IRF8: variants seen among roughly 807,000 people sequenced by gnomAD.
IRF8 encodes interferon regulatory factor 8, also known as interferon consensus sequence binding protein 1.
Under a neutral mutation model 48.7 loss-of-function variants are expected in IRF8, and 14 were observed. That is an observed-to-expected ratio of 0.29 (90% confidence interval 0.19 to 0.45). The LOEUF (loss-of-function observed/expected upper bound fraction) is 0.45. IRF8 is among the 20% of genes least tolerant of loss of function. The pLI, the probability that IRF8 is intolerant of heterozygous loss-of-function variation, is 1.00. For missense variants in IRF8, 493 were observed against 580.7 expected, an observed-to-expected ratio of 0.85 and a Z score of 1.55; for synonymous variants, 278 against 227.3, an observed-to-expected ratio of 1.22 and a Z score of -2.01.
chr16:85,915,775 C>T (rs1905284642), intron 6 of IRF8, among the ~76,000 whole-genome samples: 1 of 152,136 alleles, frequency 6.6e-6, no homozygotes, highest in African/African-American at 2.4e-5. Flanking sequence ...TGTGGAGTAG[C>T]CAGGCACAGA....
rs1905544127 is a variant in IRF8 at position 85,921,111 on chromosome 16, GC to G, written c.1111del (p.Gln371SerfsTer20). The part of the protein sequence containing the change: ...RSKLILVQIE[Q>X]LYVRQLAEEA... ...TTTCTGCACCTCCCATCTAGATTGAGCAGCTGTATGTCCGGCAACTGGCAGA... is the reference window on the plus strand; with the variant it reads ...TTTCTGCACCTCCCATCTAGATTGAGAGCTGTATGTCCGGCAACTGGCAGA... On this transcript the variant is annotated frameshift_variant, in exon 9 of 9. Coordinates refer to ENST00000268638, the MANE Select transcript of IRF8 (RefSeq NM_002163.4). LOFTEE classifies it high-confidence loss of function. 1 of 1,612,764 alleles carries G rather than the reference GC, an allele frequency of 6.2e-7. No homozygotes were observed. The highest frequency in any genetic ancestry group is 1.7e-5 in the Admixed American group (1 of 59,826).
At chr16:85,919,789 G>A (rs117141226) in intron 7 of IRF8, among the ~76,000 whole-genome samples, 189 of 152,354 alleles carry the variant, frequency 1.2e-3, no homozygotes, top group Middle Eastern at 3.4e-3. Context: ...TCCTCAGGTC[G>A]GGGTTGCCAA....
At position 85,905,652 on chromosome 16, in the gene IRF8, A is replaced by G. The variant is rs1463429594; in HGVS notation, c.174+2463A>G. ...CCCTGAGCTATGCTTCTTCCCATCC[A>G]TCCTCTGAGAGGCCTGTCTCTGTGA... On this transcript the variant is annotated intron_variant, in intron 2 of 8. Coordinates refer to ENST00000268638, the MANE Select transcript of IRF8 (RefSeq NM_002163.4). 3.9e-5 allele frequency among the ~76,000 whole-genome samples: 6 copies of G among 152,132 alleles called. No homozygotes were observed. The East Asian group carries it at 9.7e-4, about 25-fold the overall frequency.
chr16:85,920,810 T>G (rs188538169), intron 8 of IRF8, among the ~76,000 whole-genome samples: 35 of 152,352 alleles, frequency 2.3e-4, no homozygotes, highest in African/African-American at 8.2e-4. Flanking sequence ...ACCTGTTCAG[T>G]TGCCCGAAGG....
At chr16:85,901,275 T>G (rs558702897) in intron 1 of IRF8, 1 of 152,216 alleles carries the variant, frequency 6.6e-6, no homozygotes, top group African/African-American at 2.4e-5. Flanking sequence ...GAGGTTCAAG[T>G]GACGTCACAA....
intron 2 of IRF8, among the ~76,000 whole-genome samples, chr16:85,906,540 C>T (rs971809009): frequency 2.0e-5 from 3 of 152,166 alleles, no homozygotes; most frequent in East Asian, 1.9e-4. Flanking sequence ...GCTTCCTGGC[C>T]GTGGGCCCTG....
chr16:85,909,678 T>A (rs1905091588), intron 3 of IRF8: 1 of 168,794 alleles, frequency 5.9e-6, no homozygotes, highest in African/African-American at 2.4e-5. Flanking sequence ...ATTCCTGAGG[T>A]TTCTTCCAGC....
intron 7 of IRF8, among the ~76,000 whole-genome samples, 193 bp downstream of exon 7, chr16:85,918,996 C>T (rs759084005): frequency 6.6e-6 from 1 of 152,316 alleles, no homozygotes; most frequent in East Asian, 1.9e-4. Context: ...TGGGGTGCTT[C>T]TCTGTGCCTC....
chr16:85,920,654 T>G (rs1045925669), intron 8 of IRF8, among the ~76,000 whole-genome samples: 2 of 152,330 alleles, frequency 1.3e-5, no homozygotes, highest in Admixed American at 6.5e-5. Flanking sequence ...GAGGCAGGCC[T>G]GGGCAAGACC....
Position 85,907,261 on chromosome 16 carries a change from C to G in IRF8, c.175-1729C>G, listed in dbSNP as rs1237598177. 2.6e-5 allele frequency among the ~76,000 whole-genome samples: 4 copies of G among 152,294 alleles called. No individual in the cohort carries two copies. The East Asian group carries it at 7.7e-4, about 29-fold the overall frequency. Reference sequence around the variant, plus strand: ...GGCCTTGAACAGTAAGCATTCTTGTCTTTTTTGAGAGGAAAAACAGTCTGG... The same window carrying G: ...GGCCTTGAACAGTAAGCATTCTTGTGTTTTTTGAGAGGAAAAACAGTCTGG... On this transcript the variant is annotated intron_variant, in intron 2 of 8. Coordinates refer to ENST00000268638, the MANE Select transcript of IRF8 (RefSeq NM_002163.4).
At chr16:85,905,684 C>A (rs1904978447) in intron 2 of IRF8, among the ~76,000 whole-genome samples, 1 of 152,190 alleles carries the variant, frequency 6.6e-6, no homozygotes, top group African/African-American at 2.4e-5. Flanking sequence ...GTGACGTTGG[C>A]CGGATAGATC....
chr16:85,919,174 G>A (rs200976782), intron 7 of IRF8, among the ~76,000 whole-genome samples: 1 of 152,178 alleles, frequency 6.6e-6, no homozygotes, highest in South Asian at 2.1e-4. Flanking sequence ...CACAAGATCC[G>A]AACCTGCATC....
intron 8 of IRF8, 98 bp from the exon 9 acceptor site, chr16:85,921,008 C>A: frequency 8.3e-7 from 1 of 1,209,802 alleles, no homozygotes; most frequent in Non-Finnish European, 1.2e-6. Context: ...ACTCACGTGG[C>A]ACTGGGGTCA....
rs373421618 is a variant in IRF8, at chr16:85,914,534, C to G, written c.601+14C>G. On this transcript the variant is annotated intron_variant, in intron 6 of 8. Coordinates refer to ENST00000268638, the MANE Select transcript of IRF8 (RefSeq NM_002163.4). ...CGCACCATTCAGGTACGGGGTGGTCCGGGCTGAGAGGGGCGTGGGCACTGT... is the reference window on the plus strand; with the variant it reads ...CGCACCATTCAGGTACGGGGTGGTCGGGGCTGAGAGGGGCGTGGGCACTGT... The G allele has an allele frequency of 2.1e-5, 34 of 1,613,822 alleles. No homozygotes were observed. The highest frequency in any genetic ancestry group is 5.0e-5 in the Admixed American group (3 of 59,988).
rs372906197 is a variant in IRF8, at chr16:85,911,525, A to G, written c.359-45A>G. 75 of 1,492,896 alleles carry G rather than the reference A, an allele frequency of 5.0e-5. No individual in the cohort carries two copies. The African/African-American group carries it at 9.5e-4, about 19-fold the overall frequency. 92.5% of individuals were successfully genotyped at this position (1,492,896 alleles called of 1,614,324 possible). A position where few individuals can be genotyped will look rare whatever the true frequency, so the allele number is the denominator to read the frequency against. On this transcript the variant is annotated intron_variant, in intron 3 of 8. Transcript: ENST00000268638. ...GATTATGGCTTCAGCAAAGGCTGTG[A>G]TGCCTCCGTGCCATGTGTCATGGTG... is the stretch of plus-strand genomic sequence containing the variant.
chr16:85,915,782 C>T (rs1361735841), intron 6 of IRF8, among the ~76,000 whole-genome samples: 2 of 152,258 alleles, frequency 1.3e-5, no homozygotes, highest in African/African-American at 4.8e-5. Flanking sequence ...TAGCCAGGCA[C>T]AGAACTGAGC....
chr16:85,902,653 C>T (rs1408181257), intron 1 of IRF8: 7 of 329,840 alleles, frequency 2.1e-5, no homozygotes, highest in South Asian at 5.6e-5. Flanking sequence ...AAAAGTGATT[C>T]CCCCTCTCCT....
intron 2 of IRF8, among the ~76,000 whole-genome samples, chr16:85,908,186 C>T (rs965267140): frequency 1.6e-4 from 24 of 152,292 alleles, no homozygotes; most frequent in African/African-American, 4.1e-4. Context: ...TTCCTGAAAC[C>T]GAAGATAATT....
intron 6 of IRF8, 136 bp downstream of exon 6, chr16:85,914,656 A>G: frequency 1.0e-6 from 1 of 982,366 alleles, no homozygotes; most frequent in Non-Finnish European, 1.6e-6. Flanking sequence ...AAGGATGAGC[A>G]GGACCTGGTG....
Sources: allele counts gnomAD v4.1 joint callset (sites outside exome capture counted in the v4.1 genomes callset), GRCh38; gene constraint gnomAD v4.1.1; transcripts MANE v1.5; gene names NCBI Gene and HGNC (gene_info 2026-07-23, HGNC 2026-07-21).